The following ZC3HAV1 variants were observed in gnomAD, a reference collection of about 807,000 sequenced individuals.
ZC3HAV1 encodes the protein zinc finger CCCH-type antiviral protein 1.
In ZC3HAV1, 41 loss-of-function variants were observed where a neutral mutation model predicts 86.6. That is an observed-to-expected ratio of 0.47 (90% CI 0.37 to 0.61). The LOEUF (loss-of-function observed/expected upper bound fraction) is 0.61, where lower values mean the gene tolerates loss of function less well. Among genes scored for constraint, ZC3HAV1 ranks in the 20% least tolerant of loss-of-function variants. The pLI is 0.00. For missense variants in ZC3HAV1, 964 were observed against 1,141.1 expected (o/e 0.84, Z 2.24); for synonymous variants, 421 against 432.1 (o/e 0.97, Z 0.32).
chr7:139,088,038 AAAAAAAAAAAAAAAAAAG>A (rs1257841501), intron 2 of ZC3HAV1, among the ~76,000 whole-genome samples: 3 of 148,646 alleles, frequency 2.0e-5, no homozygotes, highest in Non-Finnish European at 4.5e-5. Context: ...TCTCAAAAAA[AAAAAAAAAAAAAAAAAAG>A]AAAAAAGAAA....
chr7:139,059,947 T>C lies in ZC3HAV1; in HGVS notation c.2096+1089A>G, dbSNP rs537273150. Reference sequence around the variant, plus strand: ...TAAGCCCATTTTACAGATGAGGATATACAGAGTGATTCATTTGTCCAAATC... The same window carrying C: ...TAAGCCCATTTTACAGATGAGGATACACAGAGTGATTCATTTGTCCAAATC... On this transcript the variant is annotated intron_variant, in intron 9 of 12. Coordinates refer to ENST00000242351, the MANE Select transcript of ZC3HAV1 (RefSeq NM_020119.4). 1.2e-4 allele frequency among the ~76,000 whole-genome samples: 18 copies of C among 152,296 alleles called. No individual in the cohort carries two copies. The South Asian group carries it at 3.5e-3, about 30-fold the overall frequency.
Position 139,046,634 on chromosome 7 carries a change from C to T in ZC3HAV1, c.*960G>A, listed in dbSNP as rs941391944. The T allele has an allele frequency of 1.3e-5, 2 of 152,156 alleles. No individual in the cohort carries two copies. The highest frequency in any genetic ancestry group is 4.8e-5 in the African/African-American group (2 of 41,432). 9.4% of individuals were successfully genotyped at this position (152,156 alleles called of 1,614,324 possible). On this transcript the variant is annotated 3_prime_UTR_variant, in exon 13 of 13. Transcript: ENST00000242351. ...GAGTCAACCTGGATGGAGTTTGTCC[C>T]CTAAATAAATGTAGCGATAAAGAAA...
intron 7 of ZC3HAV1, among the ~76,000 whole-genome samples, chr7:139,068,141 C>A (rs1816663104): frequency 6.6e-6 from 1 of 151,350 alleles, no homozygotes; most frequent in African/African-American, 2.4e-5. Context: ...CTCACTGCAA[C>A]CCCCACCTCC....
chr7:139,047,449 A>G lies in ZC3HAV1; in HGVS notation c.*145T>C. 1 of 1,121,204 alleles carries G rather than the reference A, an allele frequency of 8.9e-7. No homozygotes were observed. Among genetic ancestry groups the G allele is most frequent in the Non-Finnish European group, 1.3e-6 (1 of 789,346 alleles). The allele number at this position is 1,121,204 out of a possible 1,614,324, so 69.5% of individuals were successfully genotyped here. A position where few individuals can be genotyped will look rare whatever the true frequency, so the allele number is the denominator to read the frequency against. On this transcript the variant is annotated 3_prime_UTR_variant, in exon 13 of 13. Transcript: ENST00000242351. ...TTAAAACCTCCCAGATGATTCTAATATGTAGCAAAATTTGGGGACCACTGA... is the reference window on the plus strand; with the variant it reads ...TTAAAACCTCCCAGATGATTCTAATGTGTAGCAAAATTTGGGGACCACTGA...
chr7:139,106,580 C>T (rs1817942094), intron 1 of ZC3HAV1, among the ~76,000 whole-genome samples: 1 of 152,162 alleles, frequency 6.6e-6, no homozygotes, highest in Admixed American at 6.5e-5. Context: ...GGTCACTGCA[C>T]TCCAGCCTTG....
intron 9 of ZC3HAV1, among the ~76,000 whole-genome samples, chr7:139,055,940 G>A (rs1009365497): frequency 1.3e-5 from 2 of 152,108 alleles, no homozygotes; most frequent in African/African-American, 4.8e-5. Context: ...TGATCAGACT[G>A]GAATGACCTG....
intron 7 of ZC3HAV1, among the ~76,000 whole-genome samples, chr7:139,065,839 G>T (rs1167995753): frequency 6.6e-6 from 1 of 152,132 alleles, no homozygotes; most frequent in Non-Finnish European, 1.5e-5. Context: ...GGGGGGCGGA[G>T]GTTGCAGTGA....
At chr7:139,079,036 A>C (rs1012841433) in intron 4 of ZC3HAV1, 1 of 1,515,024 alleles carries the variant, frequency 6.6e-7, no homozygotes, top group Non-Finnish European at 8.8e-7. Context: ...CCAAGGAAAA[A>C]CCACCAGCCA....
At position 139,072,686 on chromosome 7, in the gene ZC3HAV1, G is replaced by T. The variant is rs188909979; in HGVS notation, c.1872+1170C>A. On this transcript the variant is annotated intron_variant, in intron 7 of 12. Coordinates refer to ENST00000242351, the MANE Select transcript of ZC3HAV1 (RefSeq NM_020119.4). ...CCCTATTACTATGCCCCCACTATGG[G>T]TCAGCCTAGGATCTTCTAGTTCCAG... is the stretch of plus-strand genomic sequence containing the variant. Among the ~76,000 whole-genome samples the T allele has an allele frequency of 1.0e-3, 154 of 152,188 alleles. 1 individual carries two copies. Among genetic ancestry groups the T allele is most frequent in the African/African-American group, 3.3e-3 (137 of 41,524 alleles).
chr7:139,061,970 T>C (rs1258873668), intron 8 of ZC3HAV1, among the ~76,000 whole-genome samples: 4 of 152,220 alleles, frequency 2.6e-5, no homozygotes, highest in East Asian at 1.9e-4. Context: ...GTCAGCCACA[T>C]GCAATGTGCC....
chr7:139,044,992 A>C lies in ZC3HAV1; in HGVS notation c.*2602T>G, dbSNP rs999567414. On this transcript the variant is annotated 3_prime_UTR_variant, in exon 13 of 13. Transcript: ENST00000242351. ...TTTACATTTTCCCACATATGATCTG[A>C]TCTCCTACCTTCTAAGTTCAAATTG... 2.6e-5 allele frequency: 4 copies of C among 152,264 alleles called. No homozygotes were observed. The highest frequency in any genetic ancestry group is 5.9e-5 in the Non-Finnish European group (4 of 68,040). The allele number at this position is 152,264 out of a possible 1,614,324, so 9.4% of individuals were successfully genotyped here.
intron 5 of ZC3HAV1, among the ~76,000 whole-genome samples, chr7:139,077,665 A>G (rs1049339277): frequency 1.3e-5 from 2 of 152,252 alleles, no homozygotes; most frequent in African/African-American, 4.8e-5. Flanking sequence ...AAAGACAGCC[A>G]TTGCAGGAAT....
rs1193733905 is a variant in ZC3HAV1 at position 139,046,528 on chromosome 7, G to C, written c.*1066C>G. ...GTCTACTTTGCCATAATTATACAAA[G>C]AGCCCAAATGGGCAATTAACTCCAG... is the stretch of plus-strand genomic sequence containing the variant. On this transcript the variant is annotated 3_prime_UTR_variant, in exon 13 of 13. Transcript: ENST00000242351. 6.6e-6 allele frequency: 1 copy of C among 152,116 alleles called. No individual in the cohort carries two copies. The allele number at this position is 152,116 out of a possible 1,614,324, so 9.4% of individuals were successfully genotyped here.
chr7:139,109,637 C>T lies in ZC3HAV1; in HGVS notation c.-306G>A, dbSNP rs2130748836. On this transcript the variant is annotated 5_prime_UTR_variant, in exon 1 of 13. Transcript: ENST00000242351. ...CTGCTGGTGACCGCCTGGGGTGGCC[C>T]CCTCTCGGTTCTAGGCTCGGCGAGG... 3.2e-6 allele frequency: 1 copy of T among 316,878 alleles called. No homozygotes were observed. The highest frequency in any genetic ancestry group is 4.9e-5 in the Admixed American group (1 of 20,276). The allele number at this position is 316,878 out of a possible 1,614,324, so 19.6% of individuals were successfully genotyped here.
At chr7:139,106,596 C>T (rs1817942882) in intron 1 of ZC3HAV1, among the ~76,000 whole-genome samples, 1 of 152,022 alleles carries the variant, frequency 6.6e-6, no homozygotes. Flanking sequence ...CCTTGGGTGA[C>T]CCTATCTCAA....
intron 7 of ZC3HAV1, among the ~76,000 whole-genome samples, chr7:139,070,541 G>A (rs995210380): frequency 2.0e-5 from 3 of 151,728 alleles, no homozygotes; most frequent in Non-Finnish European, 4.4e-5. Context: ...GCGGGCGCCT[G>A]TAGTCCCAGC....
intron 1 of ZC3HAV1, among the ~76,000 whole-genome samples, chr7:139,101,508 G>T (rs1183394746): frequency 9.7e-6 from 1 of 103,608 alleles, no homozygotes; most frequent in African/African-American, 3.9e-5. Context: ...CCGTCTGGGA[G>T]GTGTACCCAA....
At chr7:139,074,129 G>T in intron 6 of ZC3HAV1, 99 bp from the exon 7 acceptor site, 1 of 1,187,292 alleles carries the variant, frequency 8.4e-7, no homozygotes, top group Non-Finnish European at 1.2e-6. Flanking sequence ...AACTTTCAGG[G>T]CTAAAATAGA....
At chr7:139,048,318 T>C (rs755653240) in intron 12 of ZC3HAV1, among the ~76,000 whole-genome samples, 2 of 152,202 alleles carry the variant, frequency 1.3e-5, no homozygotes, top group Non-Finnish European at 2.9e-5. Context: ...TGTCAAGTGC[T>C]ACTCTGGGCA....
Sources: allele counts gnomAD v4.1 joint callset (sites outside exome capture counted in the v4.1 genomes callset), GRCh38; gene constraint gnomAD v4.1.1; transcripts MANE v1.5; gene names NCBI Gene and HGNC (gene_info 2026-07-23, HGNC 2026-07-21).